PRKG1: variants seen among roughly 807,000 people sequenced by gnomAD.
The protein encoded by PRKG1 is cGMP-dependent protein kinase 1.
Under a neutral mutation model 88.1 loss-of-function variants are expected in PRKG1, and 35 were observed. The ratio of observed to expected loss-of-function variants is 0.40; its 90% CI spans 0.30 to 0.53. The LOEUF is 0.53. PRKG1 is among the 20% of genes least tolerant of loss of function. The probability of loss-of-function intolerance (pLI) is 0.59; values close to 1 mark genes in which losing one functional copy is unlikely to be tolerated. For missense variants in PRKG1, 540 were observed against 839.8 expected (o/e 0.64, Z 4.41); for synonymous variants, 303 against 292.5 (o/e 1.04, Z -0.37).
chr10:51,360,747 G>C (rs1008619065), intron 2 of PRKG1, among the ~76,000 whole-genome samples: 11 of 151,994 alleles, frequency 7.2e-5, no homozygotes, highest in African/African-American at 2.2e-4. Flanking sequence ...CACACTTTAA[G>C]TTGTTTCCTT....
In PRKG1 at chr10:51,967,600, C is replaced by T. The variant is rs1376716987; in HGVS notation, c.762+60030C>T. Among the ~76,000 whole-genome samples the T allele has an allele frequency of 2.6e-5, 4 of 152,046 alleles. No individual in the cohort carries two copies. In the East Asian group the frequency reaches 5.8e-4, roughly 22 times the overall value. On this transcript the variant is annotated intron_variant, in intron 5 of 17. Transcript: ENST00000373980. ...TTTCTAAACTCCAGAGCCATTTCTC[C>T]GTATCTTCAATGGCCTCAGCCCATT...
chr10:51,033,649 A>T (rs988185365), intron 1 of PRKG1, among the ~76,000 whole-genome samples: 1 of 152,106 alleles, frequency 6.6e-6, no homozygotes, highest in Non-Finnish European at 1.5e-5. Context: ...CGGAGTGAAG[A>T]GTTATGTTTA....
At chr10:51,010,771 C>G (rs1564569662) in intron 1 of PRKG1, among the ~76,000 whole-genome samples, 1 of 152,174 alleles carries the variant, frequency 6.6e-6, no homozygotes, top group African/African-American at 2.4e-5. Context: ...GTGTTTGTAT[C>G]AAGTGACTCA....
chr10:51,855,311 T>C (rs1297782992), intron 4 of PRKG1, among the ~76,000 whole-genome samples: 1 of 152,216 alleles, frequency 6.6e-6, no homozygotes, highest in East Asian at 1.9e-4. Flanking sequence ...TCAGACAATC[T>C]GATTTTCTAT....
At chr10:51,781,960 C>T (rs572193518) in intron 3 of PRKG1, among the ~76,000 whole-genome samples, 10 of 150,934 alleles carry the variant, frequency 6.6e-5, no homozygotes, top group Non-Finnish European at 1.2e-4. Context: ...GTATTTAGTT[C>T]AGTATTGCCT....
chr10:52,242,750 G>A (rs1214622623), intron 9 of PRKG1, among the ~76,000 whole-genome samples: 1 of 151,976 alleles, frequency 6.6e-6, no homozygotes, highest in Non-Finnish European at 1.5e-5. Context: ...ACAAAAATTA[G>A]CTGGGTATGG....
chr10:51,081,966 G>A (rs2131851040), intron 1 of PRKG1, among the ~76,000 whole-genome samples: 1 of 152,238 alleles, frequency 6.6e-6, no homozygotes, highest in African/African-American at 2.4e-5. Context: ...AGTTGCACAG[G>A]CTGGTCTTGA....
chr10:51,356,245 TTTC>T (rs1287396118), intron 2 of PRKG1, among the ~76,000 whole-genome samples: 1 of 151,944 alleles, frequency 6.6e-6, no homozygotes, highest in African/African-American at 2.4e-5. Flanking sequence ...TGTGATTCTG[TTTC>T]TTCTTCTTTT....
chr10:51,554,422 G>A (rs967813965), intron 3 of PRKG1, among the ~76,000 whole-genome samples: 65 of 34,078 alleles, frequency 1.9e-3, no homozygotes, highest in Admixed American at 5.6e-4. Context: ...TATATTTATC[G>A]TGTGTGTGTG....
At chr10:51,403,336 G>A (rs1837811414) in intron 2 of PRKG1, among the ~76,000 whole-genome samples, 1 of 152,070 alleles carries the variant, frequency 6.6e-6, no homozygotes, top group Non-Finnish European at 1.5e-5. Flanking sequence ...ATCTAAAGTT[G>A]CATTTGATTA....
intron 7 of PRKG1, among the ~76,000 whole-genome samples, chr10:52,112,997 C>A (rs1847600115): frequency 6.6e-6 from 1 of 152,168 alleles, no homozygotes; most frequent in Non-Finnish European, 1.5e-5. Flanking sequence ...GTGTGCCACT[C>A]ATCAGCTTTA....
intron 3 of PRKG1, among the ~76,000 whole-genome samples, chr10:51,710,837 G>C (rs962408417): frequency 6.6e-6 from 1 of 151,904 alleles, no homozygotes; most frequent in Non-Finnish European, 1.5e-5. Flanking sequence ...TCCTGTTTTG[G>C]GGGGGGCGGG....
At chr10:51,544,288 G>A (rs1417864330) in intron 3 of PRKG1, among the ~76,000 whole-genome samples, 4 of 144,196 alleles carry the variant, frequency 2.8e-5, no homozygotes, top group Non-Finnish European at 6.0e-5. Context: ...TCACACCTAT[G>A]AGTGAGAACA....
chr10:51,074,584 G>C lies in PRKG1; in HGVS notation c.-7G>C. The C allele has an allele frequency of 6.2e-7, 1 of 1,604,544 alleles. No homozygotes were observed. The highest frequency in any genetic ancestry group is 8.5e-7 in the Non-Finnish European group (1 of 1,172,832). On this transcript the variant is annotated 5_prime_UTR_variant, in exon 1 of 18. Transcript: ENST00000373980. Reference sequence around the variant, plus strand: ...GCAGGAAGGAGCCCCCGGCAGCCCGGAGGAGCATGGGCACCTTGCGGGATT... The same window carrying C: ...GCAGGAAGGAGCCCCCGGCAGCCCGCAGGAGCATGGGCACCTTGCGGGATT...
At chr10:52,116,587 T>A (rs1391387717) in intron 7 of PRKG1, among the ~76,000 whole-genome samples, 2 of 151,972 alleles carry the variant, frequency 1.3e-5, no homozygotes, top group Non-Finnish European at 2.9e-5. Flanking sequence ...TGTGAAGAGA[T>A]GACTGTTAAT....
chr10:51,834,576 G>A (rs181088112), intron 4 of PRKG1, among the ~76,000 whole-genome samples: 2 of 152,010 alleles, frequency 1.3e-5, no homozygotes, highest in East Asian at 1.9e-4. Flanking sequence ...CAGAGATTGA[G>A]GCTGCAGTGA....
chr10:52,259,591 T>A (rs1841386275), intron 10 of PRKG1, among the ~76,000 whole-genome samples: 1 of 152,076 alleles, frequency 6.6e-6, no homozygotes, highest in African/African-American at 2.4e-5. Context: ...TACAACATAT[T>A]AGCTTGAACA....
intron 4 of PRKG1, among the ~76,000 whole-genome samples, chr10:51,881,454 C>T (rs1199283437): frequency 6.6e-6 from 1 of 152,150 alleles, no homozygotes; most frequent in East Asian, 1.9e-4. Context: ...ATCTGGGTGG[C>T]TGAAATAGCA....
rs139104275 is a variant in PRKG1, at chr10:51,467,829, C to T, written c.585C>T (p.Thr195=). Residue 195 remains threonine (T), a synonymous_variant, in exon 3 of 18, where the codon ACC becomes ACT. Transcript: ENST00000373980. ...AILYNCTRTA[T]VKTLVNVKLW... ...TTTACAACTGTACCCGGACAGCGACCGTCAAGAGTAAGACTATTTTCATAT... is the reference window on the plus strand; with the variant it reads ...TTTACAACTGTACCCGGACAGCGACTGTCAAGAGTAAGACTATTTTCATAT... 5.6e-6 allele frequency: 9 copies of T among 1,608,480 alleles called. No homozygotes were observed. The highest frequency in any genetic ancestry group is 4.0e-5 in the African/African-American group (3 of 74,770).
Sources: allele counts gnomAD v4.1 joint callset (sites outside exome capture counted in the v4.1 genomes callset), GRCh38; gene constraint gnomAD v4.1.1; transcripts MANE v1.5; gene names NCBI Gene and HGNC (gene_info 2026-07-23, HGNC 2026-07-21).